The following NUP210 variants were observed in gnomAD, a reference collection of about 807,000 sequenced individuals.
NUP210 encodes the protein nucleoporin 210.
In NUP210, 151 loss-of-function variants were observed where a neutral mutation model predicts 196.0. That is an observed-to-expected ratio of 0.77 (90% CI 0.67 to 0.88). NUP210 has a LOEUF of 0.88. NUP210 is among the 40% of genes least tolerant of loss of function. NUP210 has a pLI of 0.00. For synonymous variants in NUP210, 1,070 were observed against 1,052.7 expected, an observed-to-expected ratio of 1.02 and a Z score of -0.32; for missense variants, 2,314 against 2,493.7, an observed-to-expected ratio of 0.93 and a Z score of 1.53.
chr3:13,352,865 G>C (rs1348458434), intron 18 of NUP210, among the ~76,000 whole-genome samples: 2 of 152,046 alleles, frequency 1.3e-5, no homozygotes, highest in East Asian at 3.9e-4. Flanking sequence ...CTGCAAGGGA[G>C]AGCAGCTCTC....
At chr3:13,330,313 C>G (rs1696943107) in intron 30 of NUP210, 147 bp downstream of exon 30, 3 of 733,946 alleles carry the variant, frequency 4.1e-6, no homozygotes, top group Admixed American at 2.4e-5. Context: ...TTTTATCTAC[C>G]TAGGACCTTT....
At chr3:13,328,991 C>A in intron 30 of NUP210, 45 bp from the exon 31 acceptor site, 1 of 1,579,454 alleles carries the variant, frequency 6.3e-7, no homozygotes, top group Non-Finnish European at 8.6e-7. Flanking sequence ...GTGCCAGGGA[C>A]TGGCCTCCAG....
At chr3:13,414,497 C>G (rs924552270) in intron 1 of NUP210, among the ~76,000 whole-genome samples, 1 of 36,870 alleles carries the variant, frequency 2.7e-5, no homozygotes, top group South Asian at 1.4e-3. Context: ...AAAACCAGGC[C>G]CAGTCTAACC....
At chr3:13,328,389 T>C (rs1696861789) in intron 31 of NUP210, among the ~76,000 whole-genome samples, 1 of 152,230 alleles carries the variant, frequency 6.6e-6, no homozygotes, top group Non-Finnish European at 1.5e-5. Context: ...ACCCCAGTTC[T>C]TTCCATAAGG....
chr3:13,396,173 C>G (rs1339886537), intron 3 of NUP210, among the ~76,000 whole-genome samples: 1 of 152,212 alleles, frequency 6.6e-6, no homozygotes, highest in Non-Finnish European at 1.5e-5. Context: ...GGAGACACTA[C>G]TAACATCTAG....
intron 29 of NUP210, among the ~76,000 whole-genome samples, chr3:13,331,985 C>T (rs1022357972): frequency 1.3e-5 from 2 of 152,134 alleles, no homozygotes; most frequent in Non-Finnish European, 2.9e-5. Flanking sequence ...CTCTGAGTGG[C>T]AAGTCTTGAA....
intron 1 of NUP210, among the ~76,000 whole-genome samples, chr3:13,409,362 TAA>T (rs1227747341): frequency 1.3e-5 from 2 of 152,262 alleles, no homozygotes; most frequent in South Asian, 4.2e-4. Flanking sequence ...AGCGCCTTTA[TAA>T]AAGAGGTCCC....
chr3:13,343,019 G>A lies in NUP210; in HGVS notation c.2964+156C>T, dbSNP rs147972174. Among the ~76,000 whole-genome samples, 75 of 152,324 alleles carry A rather than the reference G, an allele frequency of 4.9e-4. No homozygotes were observed. The East Asian group carries it at 5.2e-3, about 11-fold the overall frequency. ...GGACTCTGGATCCTCCACATGGAGC[G>A]AAGGAGATGGGAGACAGCTCCGCAA... On this transcript the variant is annotated intron_variant, in intron 21 of 39. Transcript: ENST00000254508.
At chr3:13,351,768 G>C in intron 20 of NUP210, 111 bp downstream of exon 20, 1 of 737,074 alleles carries the variant, frequency 1.4e-6, no homozygotes, top group Non-Finnish European at 2.3e-6. Context: ...AAAGTTCTGG[G>C]ATTCCGAGTG....
At chr3:13,319,698 A>G in intron 37 of NUP210, 65 bp downstream of exon 37, 1 of 1,412,624 alleles carries the variant, frequency 7.1e-7, no homozygotes, top group Non-Finnish European at 1.0e-6. Context: ...ACTGATAGCC[A>G]GGACCACTCC....
chr3:13,344,107 G>A (rs1256025854), intron 20 of NUP210, among the ~76,000 whole-genome samples: 1 of 152,188 alleles, frequency 6.6e-6, no homozygotes, highest in Admixed American at 6.5e-5. Flanking sequence ...GGAGTGCAGT[G>A]ACGGGATCAC....
At chr3:13,368,514 C>A (rs1051684329) in intron 13 of NUP210, among the ~76,000 whole-genome samples, 2 of 151,664 alleles carry the variant, frequency 1.3e-5, no homozygotes, top group African/African-American at 2.4e-5. Flanking sequence ...ATGGATGTCG[C>A]CACCATCCAT....
At chr3:13,377,991 T>C (rs1040814990) in intron 8 of NUP210, among the ~76,000 whole-genome samples, 165 of 152,228 alleles carry the variant, frequency 1.1e-3, no homozygotes, top group African/African-American at 3.7e-3. Context: ...CTCCTTCTGC[T>C]GAGGAGCAGA....
At chr3:13,360,207 T>G in intron 15 of NUP210, 63 bp downstream of exon 15, 2 of 1,369,316 alleles carry the variant, frequency 1.5e-6, no homozygotes, top group Non-Finnish European at 2.1e-6. Context: ...AAAACAATAC[T>G]GAGAGAGTCA....
Position 13,376,425 on chromosome 3 carries a change from G to A in NUP210, c.1159C>T (p.Arg387Ter), listed in dbSNP as rs557355532. Residue 387 changes from arginine (R) to a stop codon, truncating the protein, a stop_gained, in exon 10 of 40, where the codon CGA (arginine) becomes TGA (stop). Coordinates refer to ENST00000254508, the MANE Select transcript of NUP210 (RefSeq NM_024923.4). LOFTEE classifies it high-confidence loss of function. ...SNKVYVSDNI[R>*]IETVLPAEFF... ...TCAGCAGGAAGCACAGTTTCAATTC[G>A]GATGTTCTGGAAGGTGAGGCAGGAC... 46 of 1,614,066 alleles carry A rather than the reference G, an allele frequency of 2.8e-5. 1 individual carries two copies. The South Asian group carries it at 3.1e-4, about 11-fold the overall frequency.
At chr3:13,357,506 C>T (rs1386443797) in intron 16 of NUP210, among the ~76,000 whole-genome samples, 1 of 152,206 alleles carries the variant, frequency 6.6e-6, no homozygotes, top group Non-Finnish European at 1.5e-5. Flanking sequence ...ACACAGAGGA[C>T]ATGCTCCATA....
At position 13,335,548 on chromosome 3, in the gene NUP210, C is replaced by T. The variant is rs745830811; in HGVS notation, c.3749G>A (p.Arg1250Gln). 101 of 1,614,014 alleles carry T rather than the reference C, an allele frequency of 6.3e-5. No individual in the cohort carries two copies. The highest frequency in any genetic ancestry group is 2.2e-4 in the Admixed American group (13 of 60,012). The change falls in exon 28 of 40, where the codon CGG becomes CAG. Residue 1250 changes from arginine to glutamine, a missense_variant. Coordinates refer to ENST00000254508, the MANE Select transcript of NUP210 (RefSeq NM_024923.4). Reference sequence around the variant, plus strand: ...CTTGACCACCACCCTCAGCCCGGTCCGGCCTTTTACCCGGCCGAGCACGTT... The same window carrying T: ...CTTGACCACCACCCTCAGCCCGGTCTGGCCTTTTACCCGGCCGAGCACGTT... ...AMNVLGRVKG[R>Q]TGLRVVVKAV...
intron 4 of NUP210, among the ~76,000 whole-genome samples, chr3:13,389,753 T>C (rs1699420531): frequency 6.6e-6 from 1 of 152,164 alleles, no homozygotes. Flanking sequence ...TTTAATGGCA[T>C]AATGAAAGAC....
In NUP210 at chr3:13,412,231, C is replaced by CTTTTTTTTTTT. The variant is rs71066953; in HGVS notation, c.167+7818_167+7828dup. ...CCACACCCAGCTTTATTTTCCTTTTCTTTTTTTTTTTTTTTTAGTAGAGAC... is the reference window on the plus strand; with the variant it reads ...CCACACCCAGCTTTATTTTCCTTTTCTTTTTTTTTTTTTTTTTTTTTTTTTTTAGTAGAGAC... On this transcript the variant is annotated intron_variant, in intron 1 of 39. Transcript: ENST00000254508. Among the ~76,000 whole-genome samples the CTTTTTTTTTTT allele has an allele frequency of 2.9e-4, 30 of 104,716 alleles. 5 individuals are homozygous for CTTTTTTTTTTT. The highest frequency in any genetic ancestry group is 4.7e-4 in the East Asian group (2 of 4,214). The allele number at this position is 104,716 out of a possible 152,430, so 68.7% of individuals were successfully genotyped here.
Sources: allele counts gnomAD v4.1 joint callset (sites outside exome capture counted in the v4.1 genomes callset), GRCh38; gene constraint gnomAD v4.1.1; transcripts MANE v1.5; gene names NCBI Gene and HGNC (gene_info 2026-07-23, HGNC 2026-07-21).